Variants in ZC3H13 observed in about 807,000 individuals in gnomAD.
The protein encoded by ZC3H13 is zinc finger CCCH-type containing 13, also known as zinc finger CCCH domain-containing protein 13.
ZC3H13 carries 64 observed loss-of-function variants against 204.1 expected under a neutral mutation model. The observed-to-expected ratio is 0.31, with a 90% CI of 0.26 to 0.39. ZC3H13 has a LOEUF of 0.39. Among genes scored for constraint, ZC3H13 ranks in the 10% least tolerant of loss-of-function variants. The pLI, the probability that ZC3H13 is intolerant of heterozygous loss-of-function variation, is 1.00. For synonymous variants in ZC3H13, 667 were observed against 693.7 expected (o/e 0.96, Z 0.60); for missense variants, 1,833 against 2,082.7 (o/e 0.88, Z 2.33).
intron 4 of ZC3H13, among the ~76,000 whole-genome samples, chr13:46,030,300 T>C (rs534246862): frequency 8.5e-5 from 13 of 152,348 alleles, no homozygotes; most frequent in Non-Finnish European, 1.3e-4. Flanking sequence ...TGAGAAGTTT[T>C]CCTGCTAACA....
At chr13:45,971,292 T>C (rs1952562870) in intron 12 of ZC3H13, among the ~76,000 whole-genome samples, 1 of 152,212 alleles carries the variant, frequency 6.6e-6, no homozygotes, top group African/African-American at 2.4e-5. Flanking sequence ...ACATTGTTTG[T>C]TTATAAATAC....
In ZC3H13 at chr13:45,955,369, A is replaced by G. The variant is rs1358522858; in HGVS notation, c.*1758T>C. ...TCTGAATGCTGTGACTGAGTGAACA[A>G]AGGAATAGTTCTAAATTTTCTTTTG... is the stretch of plus-strand genomic sequence containing the variant. On this transcript the variant is annotated 3_prime_UTR_variant, in exon 19 of 19. Transcript: ENST00000679008. 1 of 152,204 alleles carries G rather than the reference A, an allele frequency of 6.6e-6. No homozygotes were observed. The highest frequency in any genetic ancestry group is 1.5e-5 in the Non-Finnish European group (1 of 68,026). The allele number at this position is 152,204 out of a possible 1,614,324, so 9.4% of individuals were successfully genotyped here. A position where few individuals can be genotyped will look rare whatever the true frequency, so the allele number is the denominator to read the frequency against.
At position 45,975,737 on chromosome 13, in the gene ZC3H13, T is replaced by C. The variant is rs1255884835; in HGVS notation, c.2014A>G (p.Arg672Gly). 6.2e-7 allele frequency: 1 copy of C among 1,613,748 alleles called. No individual in the cohort carries two copies. The highest frequency in any genetic ancestry group is 8.5e-7 in the Non-Finnish European group (1 of 1,179,908). ...TCTCTCTCTCTAGCCCTTTCATCTC[T>C]CCTATCATCCACTCTGTCTACTCTT... ...ERRVDRVDDRRDERARERDRE... is the reference protein window; with the variant it reads ...ERRVDRVDDRGDERARERDRE... The change falls in exon 12 of 19, where the codon AGA becomes GGA. Residue 672 changes from arginine to glycine, a missense_variant. This residue lies in a region of ZC3H13 where 1,574 missense variants were observed against 1,757.2 expected (regional missense o/e 0.90). Transcript: ENST00000679008.
rs550364139 is a variant in ZC3H13 at position 45,959,667 on chromosome 13, T to C, written c.4676-21A>G. The C allele has an allele frequency of 1.4e-5, 21 of 1,501,596 alleles. No homozygotes were observed. The East Asian group carries it at 4.8e-4, about 35-fold the overall frequency. 93.0% of individuals were successfully genotyped at this position (1,501,596 alleles called of 1,614,324 possible). ...TGCATCTTTCAAAAAAAAGTAAACA[T>C]GCATTAAGTTTTACTAAAATAGAAA... On this transcript the variant is annotated intron_variant, in intron 17 of 18. Coordinates refer to ENST00000679008, the MANE Select transcript of ZC3H13 (RefSeq NM_001330564.2).
At position 45,967,549 on chromosome 13, in the gene ZC3H13, C is replaced by T. The variant is rs1338443940; in HGVS notation, c.4276G>A (p.Gly1426Arg). The T allele has an allele frequency of 6.2e-7, 1 of 1,603,790 alleles. No individual in the cohort carries two copies. Among genetic ancestry groups the T allele is most frequent in the Non-Finnish European group, 8.5e-7 (1 of 1,175,520 alleles). ...TCGGATTTATTTGTTTCTTCAAATC[C>T]CTGCACAGATCCCAGATCTTTATCC... The part of the protein sequence containing the change: ...RMDKDLGSVQ[G>R]FEETNKSERT... Residue 1426 changes from glycine to arginine, a missense_variant, in exon 15 of 19, where the codon GGA becomes AGA. Coordinates refer to ENST00000679008, the MANE Select transcript of ZC3H13 (RefSeq NM_001330564.2).
intron 4 of ZC3H13, among the ~76,000 whole-genome samples, chr13:46,040,173 A>G (rs2043477732): frequency 6.6e-6 from 1 of 152,222 alleles, no homozygotes; most frequent in African/African-American, 2.4e-5. Flanking sequence ...ATCACTGTAT[A>G]ACATTAGACA....
chr13:45,962,115 T>C (rs1417745512), intron 17 of ZC3H13: 1 of 944,488 alleles, frequency 1.1e-6, no homozygotes, highest in Non-Finnish European at 1.3e-6. Flanking sequence ...AAACCTACTA[T>C]GTATGTCAGG....
intron 8 of ZC3H13, among the ~76,000 whole-genome samples, chr13:45,998,326 T>C (rs1390696397): frequency 5.9e-5 from 9 of 152,154 alleles, no homozygotes; most frequent in African/African-American, 2.2e-4. Flanking sequence ...TACTGTAGTC[T>C]TTTAAGTGTA....
At chr13:46,024,747 G>A (rs1031311238) in intron 4 of ZC3H13, among the ~76,000 whole-genome samples, 2 of 149,556 alleles carry the variant, frequency 1.3e-5, no homozygotes, top group African/African-American at 4.9e-5. Flanking sequence ...TTTTCTTCTG[G>A]GTTTCCAACT....
intron 10 of ZC3H13, 23 bp downstream of exon 10, chr13:45,985,274 C>T (rs375268364): frequency 1.1e-5 from 17 of 1,579,864 alleles, no homozygotes; most frequent in Non-Finnish European, 1.4e-5. Flanking sequence ...AGATATAGTT[C>T]ATAGACAAGT....
Position 45,985,539 on chromosome 13 carries a change from C to T in ZC3H13, c.1478G>A (p.Arg493His), listed in dbSNP as rs764070959. 24 of 1,614,046 alleles carry T rather than the reference C, an allele frequency of 1.5e-5. No homozygotes were observed. The highest frequency in any genetic ancestry group is 2.7e-5 in the African/African-American group (2 of 74,906). The change falls in exon 10 of 19, where the codon CGT (arginine) becomes CAT (histidine). Residue 493 changes from arginine to histidine, a missense_variant. Transcript: ENST00000679008. Reference sequence around the variant, plus strand: ...AGTGGACCGAGAATCTCTGGGATCACGGCTCTCTTTGGTATCTCTGCTATA... The same window carrying T: ...AGTGGACCGAGAATCTCTGGGATCATGGCTCTCTTTGGTATCTCTGCTATA... The part of the protein sequence containing the change: ...RDYSRDTKES[R>H]DPRDSRSTRD...
At chr13:46,030,273 T>C (rs1194780338) in intron 4 of ZC3H13, among the ~76,000 whole-genome samples, 1 of 152,222 alleles carries the variant, frequency 6.6e-6, no homozygotes, top group African/African-American at 2.4e-5. Context: ...GCTAACGTCA[T>C]ACCTAATGGT....
intron 10 of ZC3H13, among the ~76,000 whole-genome samples, chr13:45,982,430 T>C (rs1953722977): frequency 6.6e-6 from 1 of 151,946 alleles, no homozygotes; most frequent in Non-Finnish European, 1.5e-5. Context: ...ATGAAAAATT[T>C]GAAAGTTAAG....
intron 4 of ZC3H13, among the ~76,000 whole-genome samples, chr13:46,033,948 T>C (rs1410920149): frequency 5.3e-5 from 8 of 152,090 alleles, no homozygotes; most frequent in Admixed American, 3.3e-4. Context: ...ATACAGAATA[T>C]TACCAATTGG....
Position 46,047,414 on chromosome 13 carries a change from C to T in ZC3H13, c.-9-1898G>A, listed in dbSNP as rs1276801117. 3.9e-5 allele frequency among the ~76,000 whole-genome samples: 6 copies of T among 152,086 alleles called. 1 individual carries two copies. Among genetic ancestry groups the T allele is most frequent in the Middle Eastern group, 3.2e-3 (1 of 316 alleles). On this transcript the variant is annotated intron_variant, in intron 1 of 18. Coordinates refer to ENST00000679008, the MANE Select transcript of ZC3H13 (RefSeq NM_001330564.2). ...GCATCACATAAACAATAATTTGCTGCAACACAAAATCAATTAAATATTAAT... is the reference window on the plus strand; with the variant it reads ...GCATCACATAAACAATAATTTGCTGTAACACAAAATCAATTAAATATTAAT...
At chr13:46,025,653 C>T (rs1459561463) in intron 4 of ZC3H13, among the ~76,000 whole-genome samples, 1 of 152,058 alleles carries the variant, frequency 6.6e-6, no homozygotes, top group Non-Finnish European at 1.5e-5. Context: ...ATTTCAAATC[C>T]TATTGCTCTA....
At chr13:46,047,350 T>C (rs769814409) in intron 1 of ZC3H13, among the ~76,000 whole-genome samples, 2 of 152,182 alleles carry the variant, frequency 1.3e-5, no homozygotes, top group African/African-American at 2.4e-5. Context: ...AAAAACAGAA[T>C]TACTTCACAG....
chr13:46,015,439 T>A (rs1195165370), intron 5 of ZC3H13, among the ~76,000 whole-genome samples: 1 of 152,182 alleles, frequency 6.6e-6, no homozygotes, highest in South Asian at 2.1e-4. Flanking sequence ...TACCATTTCA[T>A]CTGTTTTTAA....
intron 17 of ZC3H13, chr13:45,962,428 G>T (rs1593444747): frequency 1.0e-6 from 1 of 985,230 alleles, no homozygotes; most frequent in East Asian, 1.1e-4. Flanking sequence ...AATATCTTTA[G>T]AGGTGGGTAA....
Sources: allele counts gnomAD v4.1 joint callset (sites outside exome capture counted in the v4.1 genomes callset), GRCh38; gene constraint gnomAD v4.1.1; regional missense constraint gnomAD v4.1.1; transcripts MANE v1.5; gene names NCBI Gene and HGNC (gene_info 2026-07-23, HGNC 2026-07-21).